Variants in ARB2A observed in about 807,000 individuals in gnomAD.
The protein encoded by ARB2A is cotranscriptional regulator ARB2A.
the ARB2A span, among the ~76,000 whole-genome samples, chr5:93,842,100 A>G: frequency 3.3e-5 from 5 of 152,196 alleles, no homozygotes. Flanking sequence ...AATTCTAGAA[A>G]AGCCAAAACT....
chr5:93,630,506 G>A, the ARB2A span, among the ~76,000 whole-genome samples: 4 of 152,204 alleles, frequency 2.6e-5, no homozygotes, highest in Non-Finnish European at 5.9e-5. Context: ...AAAATCAGCA[G>A]CAGACACTTT....
the ARB2A span, among the ~76,000 whole-genome samples, chr5:94,065,570 A>G: frequency 6.6e-6 from 1 of 152,200 alleles, no homozygotes; most frequent in Admixed American, 6.5e-5. Context: ...AGTGAGCAGG[A>G]GTAGCTATAT....
At chr5:93,706,381 AG>A in the ARB2A span, among the ~76,000 whole-genome samples, 3 of 152,188 alleles carry the variant, frequency 2.0e-5, no homozygotes, top group African/African-American at 2.4e-5. Flanking sequence ...AGTGGTTGCC[AG>A]GGACTGAAAG....
At chr5:93,985,349 G>C in the ARB2A span, among the ~76,000 whole-genome samples, 3 of 151,648 alleles carry the variant, frequency 2.0e-5, no homozygotes, top group African/African-American at 4.9e-5. Context: ...TATTCACTAA[G>C]AAAAACATGC....
At chr5:93,944,141 T>C in the ARB2A span, among the ~76,000 whole-genome samples, 36 of 152,204 alleles carry the variant, frequency 2.4e-4, no homozygotes, top group African/African-American at 8.7e-4. Context: ...TTTGGTTATA[T>C]ATAAATTTAC....
chr5:93,862,222 T>C, the ARB2A span: 1 of 152,220 alleles, frequency 6.6e-6, no homozygotes, highest in East Asian at 1.9e-4. Flanking sequence ...ACACATTTCT[T>C]GTTAATAAGT....
At chr5:93,759,546 C>A in the ARB2A span, among the ~76,000 whole-genome samples, 1 of 152,254 alleles carries the variant, frequency 6.6e-6, no homozygotes, top group Admixed American at 6.5e-5. Context: ...AGAGAATCCA[C>A]CATGATCACG....
chr5:93,618,212 AG>A, the ARB2A span: 1 of 152,130 alleles, frequency 6.6e-6, no homozygotes. Flanking sequence ...ACTCGAGAAA[AG>A]AACAGTTATT....
the ARB2A span, among the ~76,000 whole-genome samples, chr5:93,949,421 C>G: frequency 6.6e-6 from 1 of 151,774 alleles, no homozygotes; most frequent in Admixed American, 6.6e-5. Flanking sequence ...ATTAGCTGGG[C>G]GTGGTGGCAC....
At chr5:93,790,821 A>G in the ARB2A span, among the ~76,000 whole-genome samples, 1 of 152,228 alleles carries the variant, frequency 6.6e-6, no homozygotes, top group Non-Finnish European at 1.5e-5. Flanking sequence ...ATAGTGTTAT[A>G]GTTAAAAGTA....
the ARB2A span, among the ~76,000 whole-genome samples, chr5:93,967,323 T>C: frequency 2.6e-5 from 4 of 152,098 alleles, no homozygotes; most frequent in Non-Finnish European, 2.9e-5. Flanking sequence ...CTGATGTATA[T>C]AGAGCTTGGA....
the ARB2A span, among the ~76,000 whole-genome samples, chr5:93,835,763 C>G: frequency 6.6e-6 from 1 of 152,190 alleles, no homozygotes; most frequent in African/African-American, 2.4e-5. Flanking sequence ...ACTCTACCAG[C>G]TGCCCTTAGT....
At chr5:93,680,303 C>T in the ARB2A span, among the ~76,000 whole-genome samples, 1 of 152,044 alleles carries the variant, frequency 6.6e-6, no homozygotes, top group African/African-American at 2.4e-5. Flanking sequence ...TAAATCACAA[C>T]ATCTAGTTAA....
the ARB2A span, among the ~76,000 whole-genome samples, chr5:93,986,732 C>T: frequency 6.6e-6 from 1 of 152,246 alleles, no homozygotes; most frequent in Admixed American, 6.5e-5. Context: ...CCGGTGCTCT[C>T]GGAAACATGT....
At chr5:94,067,973 A>G in the ARB2A span, among the ~76,000 whole-genome samples, 2 of 152,200 alleles carry the variant, frequency 1.3e-5, no homozygotes. Context: ...TTTAAAAATA[A>G]AAGACTTGTA....
At chr5:93,833,541 A>C in the ARB2A span, among the ~76,000 whole-genome samples, 1 of 152,362 alleles carries the variant, frequency 6.6e-6, no homozygotes, top group South Asian at 2.1e-4. Flanking sequence ...TCTGATATGT[A>C]GTGTAATTTT....
the ARB2A span, among the ~76,000 whole-genome samples, chr5:93,670,707 G>A: frequency 6.6e-6 from 1 of 152,252 alleles, no homozygotes. Context: ...AATGAGTAAT[G>A]AGAACTTACA....
chr5:93,638,924 T>C, the ARB2A span, among the ~76,000 whole-genome samples: 3 of 152,358 alleles, frequency 2.0e-5, no homozygotes, highest in South Asian at 2.1e-4. Flanking sequence ...TCTGTAGATT[T>C]TGAATTTCCT....
the ARB2A span, among the ~76,000 whole-genome samples, chr5:94,041,427 C>T: frequency 4.6e-5 from 7 of 151,890 alleles, no homozygotes; most frequent in Non-Finnish European, 8.8e-5. Context: ...CAATTCCTGG[C>T]TTAGGGAATG....
Sources: allele counts gnomAD v4.1 joint callset (sites outside exome capture counted in the v4.1 genomes callset), GRCh38; gene constraint gnomAD v4.1.1; transcripts MANE v1.5; gene names NCBI Gene and HGNC (gene_info 2026-07-23, HGNC 2026-07-21).